Variants in SGCZ observed in about 807,000 individuals in gnomAD.
SGCZ encodes the protein sarcoglycan zeta.
A neutral mutation model predicts 41.3 loss-of-function variants in SGCZ; 40 were observed. The observed-to-expected ratio is 0.97, with a 90% CI of 0.75 to 1.26. SGCZ has a LOEUF of 1.26. SGCZ is among the 50% of genes most tolerant of loss of function. The pLI, the probability that SGCZ is intolerant of heterozygous loss-of-function variation, is 0.00. For synonymous variants in SGCZ, 206 were observed against 137.5 expected, an observed-to-expected ratio of 1.50 and a Z score of -3.49; for missense variants, 552 against 369.8, an observed-to-expected ratio of 1.49 and a Z score of -4.04.
In SGCZ at chr8:14,919,396, G is replaced by A. The variant is rs750452345; in HGVS notation, c.39+318189C>T. Among the ~76,000 whole-genome samples, 7 of 151,862 alleles carry A rather than the reference G, an allele frequency of 4.6e-5. No individual in the cohort carries two copies. The East Asian group carries it at 5.8e-4, about 13-fold the overall frequency. ...GCGGAGGTTACAGTGAGCCGAGATC[G>A]CACCACTGCACTCTAGCCTGAATGA... On this transcript the variant is annotated intron_variant, in intron 1 of 7. Coordinates refer to ENST00000382080, the MANE Select transcript of SGCZ (RefSeq NM_139167.4).
At chr8:14,234,594 GT>G (rs991473823) in intron 4 of SGCZ, among the ~76,000 whole-genome samples, 15 of 151,994 alleles carry the variant, frequency 9.9e-5, no homozygotes, top group African/African-American at 3.4e-4. Flanking sequence ...TATTCAGTTT[GT>G]GTGCTAATTT....
intron 1 of SGCZ, among the ~76,000 whole-genome samples, chr8:14,895,447 G>A (rs1036418445): frequency 7.9e-5 from 12 of 151,914 alleles, no homozygotes; most frequent in African/African-American, 2.9e-4. Flanking sequence ...CTACTCTCCT[G>A]GAAATCTTAT....
chr8:15,118,559 C>A (rs1360530698), intron 1 of SGCZ, among the ~76,000 whole-genome samples: 1 of 151,964 alleles, frequency 6.6e-6, no homozygotes, highest in African/African-American at 2.4e-5. Flanking sequence ...TGGATGTGTG[C>A]GTGGAAGAAA....
chr8:14,179,726 T>G (rs1308225605), intron 4 of SGCZ, among the ~76,000 whole-genome samples: 1 of 152,120 alleles, frequency 6.6e-6, no homozygotes, highest in Non-Finnish European at 1.5e-5. Flanking sequence ...TGTAACATAC[T>G]CTAAGCTGTC....
chr8:15,155,879 G>A (rs374504481), intron 1 of SGCZ, among the ~76,000 whole-genome samples: 11 of 152,100 alleles, frequency 7.2e-5, no homozygotes, highest in African/African-American at 2.2e-4. Flanking sequence ...ACAACATGGC[G>A]AAACTCTGTC....
intron 5 of SGCZ, among the ~76,000 whole-genome samples, chr8:14,118,031 C>T (rs1802578285): frequency 6.6e-6 from 1 of 151,766 alleles, no homozygotes; most frequent in African/African-American, 2.4e-5. Context: ...GTGAACAATG[C>T]TGCAATAAAC....
chr8:14,115,229 G>A (rs1802488182), intron 5 of SGCZ, among the ~76,000 whole-genome samples: 2 of 151,940 alleles, frequency 1.3e-5, no homozygotes, highest in South Asian at 4.1e-4. Context: ...ACACACCTGA[G>A]GCTTCTAGAG....
chr8:14,146,284 C>T (rs1803517913), intron 5 of SGCZ, among the ~76,000 whole-genome samples: 1 of 152,012 alleles, frequency 6.6e-6, no homozygotes, highest in Non-Finnish European at 1.5e-5. Flanking sequence ...AGTGGTATGA[C>T]ATATCTCAAG....
chr8:14,999,295 C>T (rs1802325988), intron 1 of SGCZ, among the ~76,000 whole-genome samples: 1 of 152,142 alleles, frequency 6.6e-6, no homozygotes, highest in African/African-American at 2.4e-5. Context: ...AGTTTTATTA[C>T]ACATTAATAC....
At chr8:14,294,678 G>C (rs1172550401) in intron 3 of SGCZ, among the ~76,000 whole-genome samples, 1 of 151,924 alleles carries the variant, frequency 6.6e-6, no homozygotes, top group Non-Finnish European at 1.5e-5. Context: ...ATATGACAAA[G>C]AACTTGTATG....
intron 2 of SGCZ, among the ~76,000 whole-genome samples, chr8:14,326,990 G>A (rs1310419644): frequency 4.2e-5 from 6 of 141,698 alleles, no homozygotes; most frequent in African/African-American, 2.5e-5. Flanking sequence ...TCTTAAAGTG[G>A]CAAAAAAAAA....
At chr8:14,448,265 A>C (rs189631813) in intron 2 of SGCZ, among the ~76,000 whole-genome samples, 1 of 152,308 alleles carries the variant, frequency 6.6e-6, no homozygotes, top group East Asian at 1.9e-4. Flanking sequence ...ACCGTCTAAA[A>C]TGAGGATACA....
chr8:14,908,474 A>T (rs1799183300), intron 1 of SGCZ, among the ~76,000 whole-genome samples: 1 of 152,196 alleles, frequency 6.6e-6, no homozygotes, highest in African/African-American at 2.4e-5. Context: ...AGAACTGGCC[A>T]GGTGCACTGG....
chr8:15,150,116 G>A (rs1055923179), intron 1 of SGCZ, among the ~76,000 whole-genome samples: 13 of 151,998 alleles, frequency 8.6e-5, no homozygotes, highest in Non-Finnish European at 1.6e-4. Context: ...GTGGATTTTT[G>A]AGCGATTTTC....
intron 1 of SGCZ, among the ~76,000 whole-genome samples, chr8:15,080,302 A>G (rs577099529): frequency 1.3e-5 from 2 of 151,946 alleles, no homozygotes; most frequent in Non-Finnish European, 2.9e-5. Context: ...CTTTGCATCC[A>G]TCCTGCCTCA....
chr8:14,656,541 C>A (rs55901464), intron 1 of SGCZ, among the ~76,000 whole-genome samples: 1 of 131,260 alleles, frequency 7.6e-6, no homozygotes, highest in African/African-American at 2.6e-5. Flanking sequence ...TTTTTTCTTT[C>A]TTTCCCTTTC....
chr8:14,526,896 T>G lies in SGCZ; in HGVS notation c.234+27836A>C, dbSNP rs1047944816. Among the ~76,000 whole-genome samples, 12 of 152,264 alleles carry G rather than the reference T, an allele frequency of 7.9e-5. No homozygotes were observed. The South Asian group carries it at 2.5e-3, about 32-fold the overall frequency. ...CAAATTTAGTTTAAAAGACGGTCGG[T>G]GGCTGCAGGGACTTTTGCAAAGAAG... On this transcript the variant is annotated intron_variant, in intron 2 of 7. Transcript: ENST00000382080.
At chr8:14,489,457 A>G (rs1801777577) in intron 2 of SGCZ, among the ~76,000 whole-genome samples, 1 of 152,124 alleles carries the variant, frequency 6.6e-6, no homozygotes. Context: ...CAAAGAACAC[A>G]TTTGTACATG....
At chr8:14,618,122 A>G (rs1352461454) in intron 1 of SGCZ, among the ~76,000 whole-genome samples, 1 of 152,196 alleles carries the variant, frequency 6.6e-6, no homozygotes, top group Non-Finnish European at 1.5e-5. Context: ...TGTGCCATGC[A>G]CTATTCTAGA....
Sources: allele counts gnomAD v4.1 joint callset (sites outside exome capture counted in the v4.1 genomes callset), GRCh38; gene constraint gnomAD v4.1.1; transcripts MANE v1.5; gene names NCBI Gene and HGNC (gene_info 2026-07-23, HGNC 2026-07-21).